Variants in GAB1 observed in about 807,000 individuals in gnomAD.
The protein encoded by GAB1 is GRB2 associated binding protein 1.
GAB1 carries 19 observed loss-of-function variants against 66.5 expected under a neutral mutation model. The ratio of observed to expected loss-of-function variants is 0.29; its 90% CI spans 0.20 to 0.42. GAB1 has a LOEUF of 0.42. Among genes scored for constraint, GAB1 ranks in the 10% least tolerant of loss-of-function variants. GAB1 has a pLI of 1.00. For missense variants in GAB1, 732 were observed against 858.5 expected (o/e 0.85, Z 1.84); for synonymous variants, 294 against 301.4 (o/e 0.98, Z 0.25).
At chr4:143,396,963 AG>A (rs1240335181) in intron 1 of GAB1, among the ~76,000 whole-genome samples, 5 of 152,264 alleles carry the variant, frequency 3.3e-5, no homozygotes, top group African/African-American at 1.2e-4. Flanking sequence ...GGTTAGGTAA[AG>A]CAGGGAGGGG....
At chr4:143,342,691 G>A (rs1250884854) in intron 1 of GAB1, among the ~76,000 whole-genome samples, 2 of 151,520 alleles carry the variant, frequency 1.3e-5, no homozygotes, top group African/African-American at 4.9e-5. Context: ...CCAAGTAGCT[G>A]GGATTACAGG....
intron 2 of GAB1, among the ~76,000 whole-genome samples, chr4:143,428,778 C>T (rs973811540): frequency 1.3e-4 from 18 of 143,262 alleles, no homozygotes; most frequent in Non-Finnish European, 3.0e-5. Flanking sequence ...ACAAATCACT[C>T]ATAAGTAGGA....
intron 2 of GAB1, among the ~76,000 whole-genome samples, chr4:143,430,787 G>A (rs895738615): frequency 1.3e-5 from 2 of 152,120 alleles, no homozygotes; most frequent in African/African-American, 4.8e-5. Flanking sequence ...CATATTATAT[G>A]CTTTTGAATT....
In GAB1 at chr4:143,405,033, CT is replaced by C. The variant is rs529229045; in HGVS notation, c.73-10443del. 3.9e-5 allele frequency among the ~76,000 whole-genome samples: 6 copies of C among 152,244 alleles called. No individual in the cohort carries two copies. In the South Asian group the frequency reaches 1.0e-3, roughly 26 times the overall value. On this transcript the variant is annotated intron_variant, in intron 1 of 9. Transcript: ENST00000262994. ...TTTGAGAGATAACATGAATTTTCTA[CT>C]GCATAAACAATATTTATTTTTTCAT...
At chr4:143,349,165 C>T (rs1314756106) in intron 1 of GAB1, 1 of 449,376 alleles carries the variant, frequency 2.2e-6, no homozygotes, top group Middle Eastern at 6.1e-4. Context: ...TAGGTCCCCC[C>T]CTTCCTAGAT....
chr4:143,364,894 T>TG (rs1729814606), intron 1 of GAB1, among the ~76,000 whole-genome samples: 1 of 137,750 alleles, frequency 7.3e-6, no homozygotes, highest in Non-Finnish European at 1.6e-5. Context: ...TTTTTTTTTT[T>TG]GGAGACGGAG....
intron 1 of GAB1, among the ~76,000 whole-genome samples, chr4:143,350,643 A>C (rs1581215794): frequency 7.0e-6 from 1 of 142,244 alleles, no homozygotes; most frequent in Middle Eastern, 3.5e-3. Flanking sequence ...TCGTCATTGC[A>C]CTCCAGCCTG....
At chr4:143,344,363 C>T (rs946134878) in intron 1 of GAB1, among the ~76,000 whole-genome samples, 3 of 152,118 alleles carry the variant, frequency 2.0e-5, no homozygotes, top group Non-Finnish European at 2.9e-5. Flanking sequence ...ATCAACATGG[C>T]GCCTAATTTC....
At chr4:143,345,529 T>A (rs2149643468) in intron 1 of GAB1, among the ~76,000 whole-genome samples, 1 of 152,352 alleles carries the variant, frequency 6.6e-6, no homozygotes, top group East Asian at 1.9e-4. Context: ...TTCCCTTTTT[T>A]ATTTATTTTC....
intron 2 of GAB1, among the ~76,000 whole-genome samples, chr4:143,421,215 T>C (rs1473790771): frequency 6.6e-6 from 1 of 152,186 alleles, no homozygotes; most frequent in Admixed American, 6.5e-5. Flanking sequence ...GTGAGATTCA[T>C]CCATGTTGTA....
intron 1 of GAB1, among the ~76,000 whole-genome samples, chr4:143,406,518 A>G (rs751247511): frequency 6.6e-6 from 1 of 152,120 alleles, no homozygotes; most frequent in Non-Finnish European, 1.5e-5. Flanking sequence ...TTGCATGTAA[A>G]CTCCAACTAA....
chr4:143,401,220 A>G (rs1731754541), intron 1 of GAB1, among the ~76,000 whole-genome samples: 1 of 152,138 alleles, frequency 6.6e-6, no homozygotes, highest in Admixed American at 6.5e-5. Context: ...TTTTTCTGAG[A>G]CTGTCTTCAG....
chr4:143,431,151 A>G (rs995190348), intron 2 of GAB1, among the ~76,000 whole-genome samples: 7 of 152,146 alleles, frequency 4.6e-5, no homozygotes, highest in Admixed American at 2.0e-4. Context: ...TAACCACAAG[A>G]TTTTTCATTT....
chr4:143,448,320 A>T (rs187519004), intron 6 of GAB1, among the ~76,000 whole-genome samples: 4,681 of 151,924 alleles, frequency 0.031, 184 homozygotes, highest in South Asian at 0.11. Flanking sequence ...TGAGTTAGGG[A>T]GGATTCCCTC....
At chr4:143,426,498 G>A (rs1733363900) in intron 2 of GAB1, among the ~76,000 whole-genome samples, 1 of 152,044 alleles carries the variant, frequency 6.6e-6, no homozygotes, top group Non-Finnish European at 1.5e-5. Flanking sequence ...AGCTAAGATG[G>A]TGCCACTGCA....
intron 2 of GAB1, among the ~76,000 whole-genome samples, chr4:143,432,336 C>T (rs1733701581): frequency 6.6e-6 from 1 of 152,112 alleles, no homozygotes; most frequent in Non-Finnish European, 1.5e-5. Context: ...TTCTCATGCC[C>T]CACATTCGGG....
rs544176972 is a variant in GAB1, at chr4:143,393,236, A to G, written c.73-22241A>G. On this transcript the variant is annotated intron_variant, in intron 1 of 9. Coordinates refer to ENST00000262994, the MANE Select transcript of GAB1 (RefSeq NM_002039.4). ...TTACAAAGGTTTTTTTTTTTAAAAA[A>G]AAAAAAAGAAAAAAAAAGAATATGA... 1.1e-4 allele frequency among the ~76,000 whole-genome samples: 17 copies of G among 151,624 alleles called. No homozygotes were observed. The East Asian group carries it at 3.1e-3, about 28-fold the overall frequency.
rs149543731 is a variant in GAB1, at chr4:143,469,168, G to T, written c.2064G>T (p.Thr688=). 6.2e-7 allele frequency: 1 copy of T among 1,613,962 alleles called. No homozygotes were observed. The highest frequency in any genetic ancestry group is 1.3e-5 in the African/African-American group (1 of 74,922). Residue 688 remains threonine (T), a synonymous_variant, in exon 10 of 10, where the codon ACG becomes ACT. Coordinates refer to ENST00000262994, the MANE Select transcript of GAB1 (RefSeq NM_002039.4). Reference sequence around the variant, plus strand: ...GGAGACAGTCCACAGAATCAGAAACGCCAGCGAAGAGTGTGAAATGAAAAT... The same window carrying T: ...GGAGACAGTCCACAGAATCAGAAACTCCAGCGAAGAGTGTGAAATGAAAAT... ...TDGRQSTESE[T]PAKSVK
intron 1 of GAB1, among the ~76,000 whole-genome samples, chr4:143,398,872 C>A (rs963315318): frequency 6.6e-6 from 1 of 151,674 alleles, no homozygotes; most frequent in Non-Finnish European, 1.5e-5. Flanking sequence ...CCAACCTAGG[C>A]AACATGAGGA....
Sources: allele counts gnomAD v4.1 joint callset (sites outside exome capture counted in the v4.1 genomes callset), GRCh38; gene constraint gnomAD v4.1.1; transcripts MANE v1.5; gene names NCBI Gene and HGNC (gene_info 2026-07-23, HGNC 2026-07-21).